Variants in ST8SIA4 observed in about 807,000 individuals in gnomAD.
The protein encoded by ST8SIA4 is ST8 alpha-N-acetyl-neuraminide alpha-2,8-sialyltransferase 4.
Under a neutral mutation model 33.9 loss-of-function variants are expected in ST8SIA4, and 15 were observed. The ratio of observed to expected loss-of-function variants is 0.44; its 90% confidence interval spans 0.30 to 0.68. The LOEUF (loss-of-function observed/expected upper bound fraction) is 0.68, where lower values mean the gene tolerates loss of function less well. ST8SIA4 is among the 30% of genes least tolerant of loss of function. ST8SIA4 has a pLI of 0.10. For synonymous variants in ST8SIA4, 171 were observed against 151.2 expected (o/e 1.13, Z -0.96); for missense variants, 321 against 428.0 (o/e 0.75, Z 2.21).
chr5:100,812,189 C>T (rs1311597546), intron 4 of ST8SIA4, 60 bp from the exon 5 acceptor site: 24 of 1,442,324 alleles, frequency 1.7e-5, no homozygotes, highest in Non-Finnish European at 2.3e-5. Context: ...AGAGCATATC[C>T]TATAGCAAGT....
rs572887091 is a variant in ST8SIA4, at chr5:100,821,323, C to T, written c.798-9194G>A. Reference sequence around the variant, plus strand: ...GTAAAAATGGGTTAGATAGGGAAGACGATAATGATCTAGGTGTTTATCCAT... The same window carrying T: ...GTAAAAATGGGTTAGATAGGGAAGATGATAATGATCTAGGTGTTTATCCAT... On this transcript the variant is annotated intron_variant, in intron 4 of 4. Coordinates refer to ENST00000231461, the MANE Select transcript of ST8SIA4 (RefSeq NM_005668.6). Among the ~76,000 whole-genome samples the T allele has an allele frequency of 9.2e-5, 14 of 152,074 alleles. No homozygotes were observed. The East Asian group carries it at 1.3e-3, about 15-fold the overall frequency.
intron 4 of ST8SIA4, among the ~76,000 whole-genome samples, chr5:100,852,443 T>TAA (rs3064415): frequency 6.6e-4 from 98 of 149,088 alleles, no homozygotes; most frequent in African/African-American, 2.0e-3. Flanking sequence ...CATTCTTTAT[T>TAA]AAAAAAAAAA....
intron 3 of ST8SIA4, among the ~76,000 whole-genome samples, chr5:100,877,970 C>A (rs1752342018): frequency 1.3e-5 from 2 of 152,062 alleles, no homozygotes; most frequent in South Asian, 4.2e-4. Flanking sequence ...ATTCAAATGG[C>A]TATTAATTAA....
At chr5:100,833,474 T>TA (rs1257339631) in intron 4 of ST8SIA4, among the ~76,000 whole-genome samples, 18 of 152,118 alleles carry the variant, frequency 1.2e-4, no homozygotes, top group Non-Finnish European at 2.1e-4. Context: ...GTAGGAAACT[T>TA]ACAGATGATG....
rs185600778 is a variant in ST8SIA4 at position 100,883,579 on chromosome 5, G to T, written c.503+2764C>A. 3.9e-5 allele frequency among the ~76,000 whole-genome samples: 6 copies of T among 152,250 alleles called. 1 individual carries two copies. The highest frequency in any genetic ancestry group is 3.9e-4 in the Admixed American group (6 of 15,292). Reference sequence around the variant, plus strand: ...TGGAGGGGCCAGGGTGGAATGATATGGTTTGGCTGTGTCCTCACCTAAATC... The same window carrying T: ...TGGAGGGGCCAGGGTGGAATGATATTGTTTGGCTGTGTCCTCACCTAAATC... On this transcript the variant is annotated intron_variant, in intron 3 of 4. Coordinates refer to ENST00000231461, the MANE Select transcript of ST8SIA4 (RefSeq NM_005668.6).
intron 3 of ST8SIA4, among the ~76,000 whole-genome samples, chr5:100,859,813 G>T (rs936473338): frequency 6.6e-6 from 1 of 152,014 alleles, no homozygotes; most frequent in African/African-American, 2.4e-5. Flanking sequence ...TCTTGGATTG[G>T]CCATTATTCT....
intron 4 of ST8SIA4, among the ~76,000 whole-genome samples, chr5:100,854,188 C>T (rs1006428417): frequency 1.1e-4 from 17 of 150,980 alleles, no homozygotes; most frequent in Non-Finnish European, 1.8e-4. Flanking sequence ...AAAAAAAAGG[C>T]GGTGACTTAC....
chr5:100,826,528 A>G (rs1401679537), intron 4 of ST8SIA4, among the ~76,000 whole-genome samples: 1 of 152,200 alleles, frequency 6.6e-6, no homozygotes, highest in African/African-American at 2.4e-5. Context: ...AGAAGTGACA[A>G]GTGTGAAGGT....
At chr5:100,898,814 A>ATTC (rs1752834862) in intron 1 of ST8SIA4, among the ~76,000 whole-genome samples, 2 of 152,216 alleles carry the variant, frequency 1.3e-5, no homozygotes, top group Non-Finnish European at 2.9e-5. Flanking sequence ...CTGCACTGAA[A>ATTC]ACATTTATTG....
At chr5:100,836,429 AT>A (rs536384746) in intron 4 of ST8SIA4, among the ~76,000 whole-genome samples, 2 of 150,258 alleles carry the variant, frequency 1.3e-5, no homozygotes, top group African/African-American at 2.4e-5. Context: ...TGCTGCATTC[AT>A]TTTTTTTTGC....
At chr5:100,869,886 T>C (rs1160380431) in intron 3 of ST8SIA4, among the ~76,000 whole-genome samples, 1 of 152,194 alleles carries the variant, frequency 6.6e-6, no homozygotes, top group Non-Finnish European at 1.5e-5. Flanking sequence ...CTAGGGTACA[T>C]GTGCACAACG....
chr5:100,857,445 A>G (rs1449574413), intron 3 of ST8SIA4, among the ~76,000 whole-genome samples: 2 of 151,940 alleles, frequency 1.3e-5, no homozygotes, highest in Admixed American at 1.3e-4. Flanking sequence ...TTGATAAAAG[A>G]AAAGTTAGAT....
intron 4 of ST8SIA4, among the ~76,000 whole-genome samples, chr5:100,850,504 A>C (rs977503547): frequency 1.5e-4 from 23 of 152,048 alleles, no homozygotes; most frequent in African/African-American, 5.1e-4. Flanking sequence ...TAAATATCTC[A>C]TTTTGGGTTT....
rs988064149 is a variant in ST8SIA4, at chr5:100,808,580, C to T, written c.*3267G>A. On this transcript the variant is annotated 3_prime_UTR_variant, in exon 5 of 5. Coordinates refer to ENST00000231461, the MANE Select transcript of ST8SIA4 (RefSeq NM_005668.6). Reference sequence around the variant, plus strand: ...TCACAATCAGCTGCCTGAGCATTGCCAAGTACAGGGTTAAATAGTAAAAAA... The same window carrying T: ...TCACAATCAGCTGCCTGAGCATTGCTAAGTACAGGGTTAAATAGTAAAAAA... 1 of 152,472 alleles carries T rather than the reference C, an allele frequency of 6.6e-6. No individual in the cohort carries two copies. The highest frequency in any genetic ancestry group is 1.5e-5 in the Non-Finnish European group (1 of 68,026). The allele number at this position is 152,472 out of a possible 1,614,324, so 9.4% of individuals were successfully genotyped here.
chr5:100,901,692 C>G (rs1011400761), intron 1 of ST8SIA4, among the ~76,000 whole-genome samples: 3 of 152,176 alleles, frequency 2.0e-5, no homozygotes, highest in African/African-American at 7.2e-5. Flanking sequence ...GACTGTGCTA[C>G]TGTTTTCCTG....
intron 1 of ST8SIA4, among the ~76,000 whole-genome samples, chr5:100,900,872 G>T (rs1752894099): frequency 6.6e-6 from 1 of 152,178 alleles, no homozygotes; most frequent in Admixed American, 6.5e-5. Context: ...CTCGCCGCCG[G>T]CGCTCTGGCA....
At chr5:100,893,513 C>T (rs1461472037) in intron 2 of ST8SIA4, among the ~76,000 whole-genome samples, 1 of 152,104 alleles carries the variant, frequency 6.6e-6, no homozygotes, top group East Asian at 1.9e-4. Context: ...AGATCACCCT[C>T]AAATACATGA....
chr5:100,845,774 G>T (rs1751556344), intron 4 of ST8SIA4, among the ~76,000 whole-genome samples: 1 of 151,672 alleles, frequency 6.6e-6, no homozygotes, highest in African/African-American at 2.4e-5. Flanking sequence ...TTCCTCTATT[G>T]AACACCATGA....
intron 4 of ST8SIA4, chr5:100,849,074 A>G (rs1751629952): frequency 7.0e-6 from 6 of 854,970 alleles, no homozygotes; most frequent in South Asian, 5.4e-5. Flanking sequence ...TTAGAAAGCT[A>G]TCTTTATTAT....
Sources: allele counts gnomAD v4.1 joint callset (sites outside exome capture counted in the v4.1 genomes callset), GRCh38; gene constraint gnomAD v4.1.1; transcripts MANE v1.5; gene names NCBI Gene and HGNC (gene_info 2026-07-23, HGNC 2026-07-21).